Variants in TENM4 observed in about 807,000 individuals in gnomAD.
The protein encoded by TENM4 is teneurin-4.
In TENM4, 82 loss-of-function variants were observed where a neutral mutation model predicts 243.3. The observed-to-expected ratio is 0.34, with a 90% CI of 0.28 to 0.40. TENM4 has a LOEUF of 0.40. Among genes scored for constraint, TENM4 ranks in the 10% least tolerant of loss-of-function variants. The pLI is 1.00. For missense variants in TENM4, 3,138 were observed against 3,673.3 expected (o/e 0.85, Z 3.77); for synonymous variants, 1,412 against 1,456.3 (o/e 0.97, Z 0.69).
rs1386201851 is a variant in TENM4 at position 79,297,789 on chromosome 11, T to C, written c.-320-246A>G. On this transcript the variant is annotated intron_variant, in intron 1 of 33. Transcript: ENST00000278550. ...GTGCCCAACTCTCAGCACAGAAAAT[T>C]CAGCCTTCCAATCATTTGGGCACTT... Among the ~76,000 whole-genome samples, 4 of 152,274 alleles carry C rather than the reference T, an allele frequency of 2.6e-5. No individual in the cohort carries two copies. The East Asian group carries it at 7.7e-4, about 29-fold the overall frequency.
intron 6 of TENM4, among the ~76,000 whole-genome samples, chr11:78,939,916 G>A (rs1339690518): frequency 1.3e-5 from 2 of 152,026 alleles, no homozygotes; most frequent in East Asian, 1.9e-4. Context: ...TATAGTAGGA[G>A]TGAAATAAAT....
intron 1 of TENM4, among the ~76,000 whole-genome samples, chr11:79,411,002 C>G (rs1007571340): frequency 6.6e-6 from 1 of 152,142 alleles, no homozygotes; most frequent in South Asian, 2.1e-4. Flanking sequence ...GATATGGTCA[C>G]TCATTACAGG....
At chr11:79,101,545 C>A (rs185954327) in intron 4 of TENM4, among the ~76,000 whole-genome samples, 1 of 152,280 alleles carries the variant, frequency 6.6e-6, no homozygotes, top group Admixed American at 6.5e-5. Flanking sequence ...ATTAAGAAAC[C>A]GTTGCGTCCT....
chr11:79,313,906 A>G (rs1856761829), intron 1 of TENM4, among the ~76,000 whole-genome samples: 2 of 152,118 alleles, frequency 1.3e-5, no homozygotes, highest in African/African-American at 4.8e-5. Context: ...TGGTCTGTGG[A>G]GACCCCATTT....
chr11:79,300,314 C>T (rs574088862), intron 1 of TENM4, among the ~76,000 whole-genome samples: 16 of 152,266 alleles, frequency 1.1e-4, no homozygotes, highest in African/African-American at 3.9e-4. Flanking sequence ...TGGGATCATA[C>T]CATACAAGCT....
At chr11:79,037,040 A>G (rs1055518368) in intron 6 of TENM4, among the ~76,000 whole-genome samples, 4 of 150,804 alleles carry the variant, frequency 2.7e-5, no homozygotes, top group South Asian at 4.2e-4. Flanking sequence ...AAAAAAAAAA[A>G]AAAAAGAAAA....
At chr11:78,753,728 T>A (rs986367560) in intron 19 of TENM4, among the ~76,000 whole-genome samples, 9 of 151,842 alleles carry the variant, frequency 5.9e-5, no homozygotes, top group Non-Finnish European at 8.8e-5. Context: ...TTTTTTTTTT[T>A]AAAGAGACAG....
At chr11:79,131,552 T>C (rs554204475) in intron 4 of TENM4, among the ~76,000 whole-genome samples, 3 of 152,172 alleles carry the variant, frequency 2.0e-5, no homozygotes, top group African/African-American at 7.2e-5. Context: ...AAACAACTCC[T>C]GGAAACACAT....
chr11:78,982,874 C>T (rs1322137729), intron 6 of TENM4, among the ~76,000 whole-genome samples: 1 of 152,216 alleles, frequency 6.6e-6, no homozygotes, highest in African/African-American at 2.4e-5. Context: ...CTGAGCTCAG[C>T]CTTTTTAAAG....
chr11:78,922,791 C>T (rs1856473645), intron 6 of TENM4, among the ~76,000 whole-genome samples: 1 of 152,148 alleles, frequency 6.6e-6, no homozygotes, highest in Admixed American at 6.5e-5. Context: ...CAAGGAGAGG[C>T]ATTCGGGAGG....
At chr11:79,342,835 T>A (rs1443511626) in intron 1 of TENM4, among the ~76,000 whole-genome samples, 1 of 152,226 alleles carries the variant, frequency 6.6e-6, no homozygotes, top group Admixed American at 6.5e-5. Flanking sequence ...CCTTCAGCAG[T>A]TCTCAGTGCA....
intron 6 of TENM4, among the ~76,000 whole-genome samples, chr11:79,054,541 C>T (rs1859891585): frequency 6.6e-6 from 1 of 151,736 alleles, no homozygotes; most frequent in South Asian, 2.1e-4. Flanking sequence ...TTCTGCTGCC[C>T]AGGCTAGAGT....
At chr11:78,966,193 T>TAAA (rs34603312) in intron 6 of TENM4, among the ~76,000 whole-genome samples, 3 of 131,604 alleles carry the variant, frequency 2.3e-5, no homozygotes, top group African/African-American at 8.4e-5. Flanking sequence ...AAAGGAAAAT[T>TAAA]AAAAAAAAAA....
intron 6 of TENM4, among the ~76,000 whole-genome samples, chr11:78,994,472 G>A (rs1194801664): frequency 6.6e-6 from 1 of 152,230 alleles, no homozygotes; most frequent in Non-Finnish European, 1.5e-5. Context: ...CTACTTGGGA[G>A]TTTTATAAAG....
intron 20 of TENM4, among the ~76,000 whole-genome samples, chr11:78,734,465 A>C (rs1302272554): frequency 6.7e-6 from 1 of 149,582 alleles, no homozygotes. Flanking sequence ...GTTAGTTCTG[A>C]CTGTTAGAAC....
At chr11:78,793,693 G>A (rs970650030) in intron 15 of TENM4, among the ~76,000 whole-genome samples, 1 of 152,182 alleles carries the variant, frequency 6.6e-6, no homozygotes, top group Non-Finnish European at 1.5e-5. Flanking sequence ...GTTGTTGTTG[G>A]AACACAAATA....
chr11:79,011,164 A>G (rs1858631664), intron 6 of TENM4, among the ~76,000 whole-genome samples: 1 of 152,236 alleles, frequency 6.6e-6, no homozygotes, highest in Admixed American at 6.5e-5. Flanking sequence ...ACCTTCCGTG[A>G]ATCCAGAACA....
At chr11:79,368,824 G>A (rs537138142) in intron 1 of TENM4, among the ~76,000 whole-genome samples, 11 of 152,282 alleles carry the variant, frequency 7.2e-5, no homozygotes, top group African/African-American at 1.4e-4. Context: ...ATCGTAGTGG[G>A]CAAATTAATT....
intron 3 of TENM4, among the ~76,000 whole-genome samples, chr11:79,208,524 T>C (rs1164382446): frequency 6.6e-6 from 1 of 152,198 alleles, no homozygotes; most frequent in African/African-American, 2.4e-5. Flanking sequence ...TTGATGTTGT[T>C]CTTGTGATTA....
Sources: gnomAD v4.1 joint callset for allele counts (sites outside exome capture counted in the v4.1 genomes callset) on GRCh38, gnomAD v4.1.1 for gene constraint, MANE v1.5 for transcripts, NCBI Gene and HGNC (gene_info 2026-07-23, HGNC 2026-07-21) for gene names.